The following BBS1 variants were observed in gnomAD, a reference collection of about 807,000 sequenced individuals.
BBS1 encodes the protein BBSome complex member BBS1.
BBS1 carries 60 observed loss-of-function variants against 73.9 expected under a neutral mutation model. The ratio of observed to expected loss-of-function variants is 0.81; its 90% CI spans 0.66 to 1.01. BBS1 has a LOEUF of 1.01. BBS1 is among the 50% of genes least tolerant of loss of function. The pLI is 0.00. For synonymous variants in BBS1, 283 were observed against 317.4 expected, an observed-to-expected ratio of 0.89 and a Z score of 1.15; for missense variants, 718 against 770.3, an observed-to-expected ratio of 0.93 and a Z score of 0.80.
chr11:66,517,669 T>C (rs1033864861), intron 7 of BBS1, among the ~76,000 whole-genome samples: 1 of 151,910 alleles, frequency 6.6e-6, no homozygotes, highest in African/African-American at 2.4e-5. Flanking sequence ...TGTTTCACCA[T>C]GCTGGCCAGG....
At position 66,526,160 on chromosome 11, in the gene BBS1, G is replaced by A. The variant is rs746336508; in HGVS notation, c.1148G>A (p.Arg383Gln). Residue 383 changes from arginine (R) to glutamine (Q), a missense_variant, in exon 12 of 17, where the codon CGG becomes CAG. By Grantham distance (43) the Arg-to-Gln change is conservative. Coordinates refer to ENST00000318312, the MANE Select transcript of BBS1 (RefSeq NM_024649.5). ...AGCCTTTGCTTTGGCCGGTACGGGC[G>A]GGAGGACAACACCCTCATCATGACC... ...VTSLCFGRYG[R>Q]EDNTLIMTTR... The A allele has an allele frequency of 2.2e-5, 36 of 1,614,072 alleles. No individual in the cohort carries two copies. The highest frequency in any genetic ancestry group is 4.4e-5 in the South Asian group (4 of 91,086).
intron 13 of BBS1, chr11:66,529,430 G>T: frequency 1.1e-6 from 1 of 921,862 alleles, no homozygotes; most frequent in Non-Finnish European, 1.7e-6. Context: ...ACAATATCGA[G>T]CGTGGACACC....
At chr11:66,513,829 A>G (rs1218351733) in intron 3 of BBS1, among the ~76,000 whole-genome samples, 3 of 152,206 alleles carry the variant, frequency 2.0e-5, no homozygotes, top group Non-Finnish European at 4.4e-5. Context: ...GTGATAGGAA[A>G]CAAGTTGGGA....
Position 66,533,482 on chromosome 11 carries a change from A to G in BBS1, c.*1445A>G, listed in dbSNP as rs1856862797. 6.6e-6 allele frequency: 1 copy of G among 152,092 alleles called. No individual in the cohort carries two copies. The highest frequency in any genetic ancestry group is 2.4e-5 in the African/African-American group (1 of 41,408). The allele number at this position is 152,092 out of a possible 1,614,324, so 9.4% of individuals were successfully genotyped here. On this transcript the variant is annotated 3_prime_UTR_variant, in exon 17 of 17. Coordinates refer to ENST00000318312, the MANE Select transcript of BBS1 (RefSeq NM_024649.5). ...AGGCTTTAGCTCTCTTTTGTCAGCA[A>G]CCCTCCCCCATCCCTAGTTATTAGG... is the stretch of plus-strand genomic sequence containing the variant.
chr11:66,521,218 G>A, intron 8 of BBS1, 52 bp from the exon 9 acceptor site: 1 of 1,393,674 alleles, frequency 7.2e-7, no homozygotes, highest in Non-Finnish European at 1.0e-6. Context: ...GACAGGGCAG[G>A]GAGGGACGGG....
chr11:66,523,390 G>GT, intron 9 of BBS1, 66 bp from the exon 10 acceptor site: 5 of 1,612,580 alleles, frequency 3.1e-6, no homozygotes, highest in Non-Finnish European at 4.2e-6. Context: ...TTTAGACAGA[G>GT]GAGGGTCAGC....
In BBS1 at chr11:66,531,956, G is replaced by C. The variant is rs766975911; in HGVS notation, c.1701G>C (p.Leu567=). Residue 567 remains leucine (L), a synonymous_variant, in exon 17 of 17, where the codon CTG becomes CTC. Transcript: ENST00000318312. ...CCATGGCCACTCCTCCATAGGTGCT[G>C]GTGCTTCGAGAAGGCCAAAGTGCAC... The part of the protein sequence containing the change: ...NKGISDIIKV[L]VLREGQSAPL... 7 of 1,592,980 alleles carry C rather than the reference G, an allele frequency of 4.4e-6. No homozygotes were observed. The African/African-American group carries it at 8.1e-5, about 18-fold the overall frequency.
chr11:66,529,823 G>C lies in BBS1; in HGVS notation c.1344G>C (p.Met448Ile). The C allele has an allele frequency of 6.2e-7, 1 of 1,611,062 alleles. No homozygotes were observed. Residue 448 changes from methionine to isoleucine, a missense_variant, in exon 14 of 17, where the codon ATG (methionine) becomes ATC (isoleucine). By Grantham distance (10) the Met-to-Ile change is conservative. Transcript: ENST00000318312. The part of the protein sequence containing the change: ...TLREREAGTA[M>I]HRAFQTDLYL... Reference sequence around the variant, plus strand: ...CTCTGGGACCCTTCTCCACAGCCATGCACCGGGCCTTCCAGACAGACCTAT... The same window carrying C: ...CTCTGGGACCCTTCTCCACAGCCATCCACCGGGCCTTCCAGACAGACCTAT...
intron 8 of BBS1, 146 bp from the exon 9 acceptor site, chr11:66,521,124 C>G: frequency 1.4e-6 from 1 of 714,228 alleles, no homozygotes; most frequent in Non-Finnish European, 2.5e-6. Flanking sequence ...CCAAGTTTCC[C>G]TCCTGAAAAA....
Position 66,514,418 on chromosome 11 carries a change from G to A in BBS1, c.172G>A (p.Asp58Asn). Residue 58 changes from aspartate to asparagine, a missense_variant, in exon 4 of 17, where the codon GAC becomes AAC. Asp to Asn is a conservative substitution (Grantham distance 23). Coordinates refer to ENST00000318312, the MANE Select transcript of BBS1 (RefSeq NM_024649.5). ...CCTCTCCCTGCAGCTGGTGGTAGGGGACCTTGGCCCTGGTGGGCAGCAGCC... is the reference window on the plus strand; with the variant it reads ...CCTCTCCCTGCAGCTGGTGGTAGGGAACCTTGGCCCTGGTGGGCAGCAGCC... Reference protein sequence around the residue: ...GDGEYKLVVGDLGPGGQQPRL... With the variant: ...GDGEYKLVVGNLGPGGQQPRL... The A allele has an allele frequency of 6.2e-7, 1 of 1,614,072 alleles. No homozygotes were observed. The highest frequency in any genetic ancestry group is 8.5e-7 in the Non-Finnish European group (1 of 1,180,030).
chr11:66,521,133 A>C (rs1856196113), intron 8 of BBS1, 137 bp from the exon 9 acceptor site: 2 of 735,638 alleles, frequency 2.7e-6, no homozygotes, highest in Admixed American at 4.1e-5. Context: ...CCTCCTGAAA[A>C]ACTGTATGAG....
chr11:66,531,737 A>C lies in BBS1; in HGVS notation c.1690A>C (p.Ile564Leu). 7 of 1,614,022 alleles carry C rather than the reference A, an allele frequency of 4.3e-6. No individual in the cohort carries two copies. The highest frequency in any genetic ancestry group is 5.9e-6 in the Non-Finnish European group (7 of 1,179,976). The change falls in exon 16 of 17, where the codon ATC becomes CTC. Residue 564 changes from isoleucine (I) to leucine (L), a missense_variant. Transcript: ENST00000318312. Reference sequence around the variant, plus strand: ...CAGTAACAAGGGCATCTCAGACATCATCAAGGTAGGCCCCGCACTTGTACC... The same window carrying C: ...CAGTAACAAGGGCATCTCAGACATCCTCAAGGTAGGCCCCGCACTTGTACC... Reference protein sequence around the residue: ...SLSNKGISDIIKVLVLREGQS... With the variant: ...SLSNKGISDILKVLVLREGQS...
In BBS1 at chr11:66,511,171, C is replaced by T. The variant is rs775937558; in HGVS notation, c.125-34C>T. The T allele has an allele frequency of 1.1e-5, 18 of 1,613,970 alleles. 1 individual carries two copies. The Admixed American group carries it at 2.8e-4, about 25-fold the overall frequency. On this transcript the variant is annotated intron_variant, in intron 2 of 16. Transcript: ENST00000318312. Reference sequence around the variant, plus strand: ...GTCCTGTAGTGAAGCCTCTGGGATTCTGAGACTCTGGTTTTGGCCCTTTTG... The same window carrying T: ...GTCCTGTAGTGAAGCCTCTGGGATTTTGAGACTCTGGTTTTGGCCCTTTTG...
In BBS1 at chr11:66,510,721, C is replaced by T; in HGVS notation, c.47+15C>T. On this transcript the variant is annotated intron_variant, in intron 1 of 16. Transcript: ENST00000318312. ...GGAGCTGAGAGGTGAAGGCAGGGCT[C>T]CTCAAGGCCTCTTTTCCCACCCGTG... 2 of 1,614,022 alleles carry T rather than the reference C, an allele frequency of 1.2e-6. No homozygotes were observed. Among genetic ancestry groups the T allele is most frequent in the Non-Finnish European group, 1.7e-6 (2 of 1,179,946 alleles).
chr11:66,513,066 A>T (rs891049352), intron 3 of BBS1, among the ~76,000 whole-genome samples: 1 of 152,100 alleles, frequency 6.6e-6, no homozygotes, highest in Non-Finnish European at 1.5e-5. Flanking sequence ...CCAGTACCTG[A>T]CATAAAGTAG....
chr11:66,515,331 G>A (rs1856025960), intron 4 of BBS1, among the ~76,000 whole-genome samples: 1 of 152,106 alleles, frequency 6.6e-6, no homozygotes, highest in Admixed American at 6.6e-5. Context: ...GGGGAATTTG[G>A]GGAGGCATGG....
At chr11:66,523,916 C>T (rs1407253970) in intron 11 of BBS1, 34 bp downstream of exon 11, 1 of 1,610,574 alleles carries the variant, frequency 6.2e-7, no homozygotes, top group Non-Finnish European at 8.5e-7. Flanking sequence ...CCACTCACTC[C>T]TCCTTGCCCT....
chr11:66,526,056 A>G (rs567873665), intron 11 of BBS1, 67 bp from the exon 12 acceptor site: 19 of 1,453,790 alleles, frequency 1.3e-5, no homozygotes, highest in Non-Finnish European at 1.7e-5. Flanking sequence ...GGCCTCCCCT[A>G]CCCATCCCCT....
chr11:66,512,473 G>A (rs181589223), intron 3 of BBS1, among the ~76,000 whole-genome samples: 2 of 152,288 alleles, frequency 1.3e-5, no homozygotes, highest in East Asian at 3.9e-4. Context: ...TATCCATAAT[G>A]TATTCAGTAA....
Sources: allele counts gnomAD v4.1 joint callset (sites outside exome capture counted in the v4.1 genomes callset), GRCh38; gene constraint gnomAD v4.1.1; transcripts MANE v1.5; gene names NCBI Gene and HGNC (gene_info 2026-07-23, HGNC 2026-07-21).